CELSR2: variants seen among roughly 807,000 people sequenced by gnomAD.
CELSR2 encodes EGF-like protein 2.
Under a neutral mutation model 251.6 loss-of-function variants are expected in CELSR2, and 81 were observed. That is an observed-to-expected ratio of 0.32 (90% CI 0.27 to 0.39). CELSR2 has a LOEUF of 0.39. CELSR2 is among the 10% of genes least tolerant of loss of function. The pLI is 1.00. For missense variants in CELSR2, 3,365 were observed against 3,947.7 expected (o/e 0.85, Z 3.96); for synonymous variants, 1,721 against 1,670.5 (o/e 1.03, Z -0.74).
At chr1:109,270,689 GC>G (rs1176729375) in intron 24 of CELSR2, 89 bp downstream of exon 24, 12 of 1,496,300 alleles carry the variant, frequency 8.0e-6, no homozygotes, top group African/African-American at 1.4e-5. Context: ...AGGCCCTGAG[GC>G]CCCACATCCC....
chr1:109,268,825 G>A (rs888236877), intron 18 of CELSR2, 55 bp from the exon 19 acceptor site: 6 of 1,584,014 alleles, frequency 3.8e-6, no homozygotes, highest in Non-Finnish European at 5.2e-6. Flanking sequence ...AAGAGCGGCT[G>A]TGCTGGGGTC....
At position 109,263,232 on chromosome 1, in the gene CELSR2, G is replaced by GC; in HGVS notation, c.4804dup (p.Leu1602ProfsTer95). The GC allele has an allele frequency of 6.3e-7, 1 of 1,587,944 alleles. No homozygotes were observed. Among genetic ancestry groups the GC allele is most frequent in the Non-Finnish European group, 8.6e-7 (1 of 1,159,304 alleles). Reference sequence around the variant, plus strand: ...CAGTGGGACGCGTTCAGCTGCGAGTGCCCCCTGGGCTTTGGGGGCAAGAGC... The same window carrying GC: ...CAGTGGGACGCGTTCAGCTGCGAGTGCCCCCCTGGGCTTTGGGGGCAAGAGC... On this transcript the variant is annotated frameshift_variant, in exon 8 of 34. Transcript: ENST00000271332. LOFTEE classifies it high-confidence loss of function.
chr1:109,269,461 A>G lies in CELSR2; in HGVS notation c.6850A>G (p.Ser2284Gly), dbSNP rs1306093916. ...CCCGATCATCAACACACCCGTGGTG[A>G]GCATCAGCGTCCATGATGATGAGGA... ...KRPIINTPVV[S>G]ISVHDDEELL... is the part of the protein sequence containing the mutation. Residue 2284 changes from serine to glycine, a missense_variant, in exon 21 of 34, where the codon AGC becomes GGC. This residue lies in a region of CELSR2 where 2,093 missense variants were observed against 2,382.8 expected (regional missense o/e 0.88). Coordinates refer to ENST00000271332, the MANE Select transcript of CELSR2 (RefSeq NM_001408.3). This position sits in a 1 kb window ranked among gnomAD's most constrained non-coding sequence, Gnocchi z 6.4. 1 of 1,614,058 alleles carries G rather than the reference A, an allele frequency of 6.2e-7. No homozygotes were observed. Among genetic ancestry groups the G allele is most frequent in the Admixed American group, 1.7e-5 (1 of 60,022 alleles).
In CELSR2 at chr1:109,264,061, T is replaced by C. The variant is rs1265760048; in HGVS notation, c.5002-17T>C. The stretch of plus-strand genomic sequence containing the variant: ...AAGGCCGTCTGCTGACCCTGTTTTC[T>C]TTCCTCCTGGTGTCAGCTACGAGAG... On this transcript the variant is annotated splice_polypyrimidine_tract_variant and intron_variant, in intron 9 of 33. Transcript: ENST00000271332. 2 of 1,553,890 alleles carry C rather than the reference T, an allele frequency of 1.3e-6. No individual in the cohort carries two copies. The highest frequency in any genetic ancestry group is 1.7e-6 in the Non-Finnish European group (2 of 1,145,832).
Position 109,273,749 on chromosome 1 carries a change from C to T in CELSR2, c.8744+79C>T, listed in dbSNP as rs191036566. 3.1e-4 allele frequency: 366 copies of T among 1,171,954 alleles called. 1 individual carries two copies. The African/African-American group carries it at 5.3e-3, about 17-fold the overall frequency. The allele number at this position is 1,171,954 out of a possible 1,614,324, so 72.6% of individuals were successfully genotyped here. On this transcript the variant is annotated intron_variant, in intron 33 of 33. Transcript: ENST00000271332. ...GGGCCCAGAGCTGCCTCCGGGCCTC[C>T]CCAGGTGACTCTGGATGGCATTTGG...
chr1:109,269,622 C>T lies in CELSR2; in HGVS notation c.6980+31C>T, dbSNP rs1029480960. The T allele has an allele frequency of 7.4e-6, 12 of 1,613,190 alleles. No homozygotes were observed. The highest frequency in any genetic ancestry group is 9.3e-6 in the Non-Finnish European group (11 of 1,179,356). ...CCTGCACTGCCCTCGCCCCCTCAGGCTTCGGGCTGAAAGTCCAGGCCCCTG... is the reference window on the plus strand; with the variant it reads ...CCTGCACTGCCCTCGCCCCCTCAGGTTTCGGGCTGAAAGTCCAGGCCCCTG... On this transcript the variant is annotated intron_variant, in intron 21 of 33. Transcript: ENST00000271332. The surrounding 1 kb of genome is among the most constrained non-coding windows in gnomAD (Gnocchi z 6.4).
rs142987028 is a variant in CELSR2 at position 109,252,497 on chromosome 1, C to T, written c.2418C>T (p.Asn806=). 6.4e-5 allele frequency: 103 copies of T among 1,613,750 alleles called. No homozygotes were observed. The highest frequency in any genetic ancestry group is 8.3e-5 in the Non-Finnish European group (98 of 1,180,040). The part of the protein sequence containing the change: ...SDTTYLEILV[N]DVNDNAPQFL... ...CCACCTACCTGGAGATCCTGGTGAA[C>T]GACGTGAATGACAATGCCCCTCAGT... Residue 806 remains asparagine, a synonymous_variant, in exon 1 of 34, where the codon AAC becomes AAT. Coordinates refer to ENST00000271332, the MANE Select transcript of CELSR2 (RefSeq NM_001408.3). The surrounding 1 kb of genome is among the most constrained non-coding windows in gnomAD (Gnocchi z 4.8).
chr1:109,269,047 C>G lies in CELSR2; in HGVS notation c.6631+39C>G. On this transcript the variant is annotated intron_variant, in intron 19 of 33. Transcript: ENST00000271332. The surrounding 1 kb of genome is among the most constrained non-coding windows in gnomAD (Gnocchi z 6.4). Reference sequence around the variant, plus strand: ...ATGGATTGAGTTGGGAGCTGGACCCCAGTGTCTGTGCAGACTCCACAGAGA... The same window carrying G: ...ATGGATTGAGTTGGGAGCTGGACCCGAGTGTCTGTGCAGACTCCACAGAGA... The G allele has an allele frequency of 1.9e-6, 3 of 1,600,996 alleles. No homozygotes were observed. The highest frequency in any genetic ancestry group is 2.6e-6 in the Non-Finnish European group (3 of 1,170,476).
rs1409119517 is a variant in CELSR2, at chr1:109,268,570, G to T, written c.6319-11G>T. On this transcript the variant is annotated splice_polypyrimidine_tract_variant and intron_variant, in intron 17 of 33. Coordinates refer to ENST00000271332, the MANE Select transcript of CELSR2 (RefSeq NM_001408.3). The stretch of plus-strand genomic sequence containing the variant: ...TTGTGAGCACACCCACCGTGACCTT[G>T]CCCACCCCAGAATCTGCTGCGGGTG... 1 of 1,599,470 alleles carries T rather than the reference G, an allele frequency of 6.3e-7. No individual in the cohort carries two copies. Among genetic ancestry groups the T allele is most frequent in the Non-Finnish European group, 8.5e-7 (1 of 1,170,902 alleles).
chr1:109,268,610 G>C lies in CELSR2; in HGVS notation c.6348G>C (p.Leu2116=). ...ENLLRVGSAL[L]DTANKRHWEL... ...TGCTGCGGGTGGGCAGCGCCCTCCT[G>C]GACACAGCCAACAAGCGGCACTGGG... The change falls in exon 18 of 34, where the codon CTG becomes CTC. Residue 2116 remains leucine (L), a synonymous_variant. Transcript: ENST00000271332. 1.2e-6 allele frequency: 2 copies of C among 1,613,446 alleles called. No homozygotes were observed. The highest frequency in any genetic ancestry group is 2.7e-5 in the African/African-American group (2 of 75,036).
rs1247441169 is a variant in CELSR2, at chr1:109,261,890, C to T, written c.4380C>T (p.Tyr1460=). 1.9e-6 allele frequency: 3 copies of T among 1,577,940 alleles called. No homozygotes were observed. Among genetic ancestry groups the T allele is most frequent in the Non-Finnish European group, 2.6e-6 (3 of 1,160,034 alleles). ...GGCATACGGTGCAGCTGAAATACTA[C>T]AATAAGGTGGGTGTGGAGGGCACAG... is the stretch of plus-strand genomic sequence containing the variant. The part of the protein sequence containing the change: ...GQWHTVQLKY[Y]NKPLLGQTGL... The change falls in exon 5 of 34, where the codon TAC becomes TAT. Residue 1460 remains tyrosine, a synonymous_variant. Transcript: ENST00000271332. The surrounding 1 kb of genome is among the most constrained non-coding windows in gnomAD (Gnocchi z 4.8).
chr1:109,271,269 G>A lies in CELSR2; in HGVS notation c.7649G>A (p.Arg2550Gln), dbSNP rs628525. 5,113 of 1,614,002 alleles carry A rather than the reference G, an allele frequency of 3.2e-3. 5 individuals carry two copies. Among genetic ancestry groups the A allele is most frequent in the Non-Finnish European group, 4.0e-3 (4,687 of 1,180,016 alleles). The part of the protein sequence containing the change: ...LAARASCAAQ[R>Q]QGFEKKGPVS... ...GCCCGGGCCTCCTGTGCTGCCCAGCGGCAGGGCTTTGAGAAGAAAGGTCCT... is the reference window on the plus strand; with the variant it reads ...GCCCGGGCCTCCTGTGCTGCCCAGCAGCAGGGCTTTGAGAAGAAAGGTCCT... Residue 2550 changes from arginine (R) to glutamine (Q), a missense_variant, in exon 26 of 34, where the codon CGG becomes CAG. Arg to Gln is a conservative substitution (Grantham distance 43). Transcript: ENST00000271332.
At chr1:109,265,412 CTGAGGGCCT>C in intron 13 of CELSR2, 101 bp downstream of exon 13, 1 of 1,320,084 alleles carries the variant, frequency 7.6e-7, no homozygotes, top group East Asian at 2.4e-5. Context: ...TCCTGTAGAG[CTGAGGGCCT>C]TGTGCCTTTG....
Position 109,265,844 on chromosome 1 carries a change from A to G in CELSR2, c.5837A>G (p.Lys1946Arg), listed in dbSNP as rs199620470. The change falls in exon 14 of 34, where the codon AAG becomes AGG. Residue 1946 changes from lysine to arginine, a missense_variant. Lys to Arg is a conservative substitution (Grantham distance 26). Transcript: ENST00000271332. The stretch of plus-strand genomic sequence containing the variant: ...CCTGAGGATGGCCAGTGTCCATGCA[A>G]GCCAGGTGTCATCGGGCGTCAGTGT... ...CDPEDGQCPCKPGVIGRQCDR... is the reference protein window; with the variant it reads ...CDPEDGQCPCRPGVIGRQCDR... 3.1e-6 allele frequency: 5 copies of G among 1,613,988 alleles called. No homozygotes were observed. The highest frequency in any genetic ancestry group is 4.2e-6 in the Non-Finnish European group (5 of 1,180,024).
At chr1:109,273,851 AC>A in intron 33 of CELSR2, 170 bp from the exon 34 acceptor site, 1 of 1,073,606 alleles carries the variant, frequency 9.3e-7, no homozygotes, top group Non-Finnish European at 1.4e-6. Flanking sequence ...GGGGAGGGCC[AC>A]CCCTCCTAGG....
chr1:109,253,712 G>A (rs891874906), intron 1 of CELSR2, among the ~76,000 whole-genome samples: 4 of 152,234 alleles, frequency 2.6e-5, no homozygotes, highest in Non-Finnish European at 5.9e-5. Flanking sequence ...AAAGGCGCGT[G>A]GAAGCCTGGG....
chr1:109,261,395 T>G lies in CELSR2; in HGVS notation c.4182-118T>G. ...GCTGCCGGCAGAGCCAGGTCTGCTC[T>G]TGGAGTTGCCTGTGGTTCTGCCAGC... On this transcript the variant is annotated intron_variant, in intron 3 of 33. Coordinates refer to ENST00000271332, the MANE Select transcript of CELSR2 (RefSeq NM_001408.3). The surrounding 1 kb of genome is among the most constrained non-coding windows in gnomAD (Gnocchi z 4.8). 1 of 1,344,634 alleles carries G rather than the reference T, an allele frequency of 7.4e-7. No individual in the cohort carries two copies. The highest frequency in any genetic ancestry group is 1.1e-6 in the Non-Finnish European group (1 of 943,504). 83.3% of individuals were successfully genotyped at this position (1,344,634 alleles called of 1,614,324 possible). A position where few individuals can be genotyped will look rare whatever the true frequency, so the allele number is the denominator to read the frequency against.
In CELSR2 at chr1:109,261,601, G is replaced by C; in HGVS notation, c.4270G>C (p.Glu1424Gln). Reference protein sequence around the residue: ...HDFVALEVIQEQVQLTFSAGE... With the variant: ...HDFVALEVIQQQVQLTFSAGE... ...CTTTGTGGCCCTCGAGGTGATCCAG[G>C]AGCAGGTCCAGCTCACCTTCTCTGC... Residue 1424 changes from glutamate to glutamine, a missense_variant, in exon 4 of 34, where the codon GAG becomes CAG. By Grantham distance (29) the Glu-to-Gln change is conservative. Coordinates refer to ENST00000271332, the MANE Select transcript of CELSR2 (RefSeq NM_001408.3). The surrounding 1 kb of genome is among the most constrained non-coding windows in gnomAD (Gnocchi z 4.8). The C allele has an allele frequency of 4.3e-6, 7 of 1,614,118 alleles. No individual in the cohort carries two copies. Among genetic ancestry groups the C allele is most frequent in the South Asian group, 3.3e-5 (3 of 91,082 alleles).
intron 23 of CELSR2, 49 bp downstream of exon 23, chr1:109,270,182 C>G: frequency 6.3e-7 from 1 of 1,585,616 alleles, no homozygotes; most frequent in Non-Finnish European, 8.6e-7. Flanking sequence ...CTCAGGCCGC[C>G]TCCCCAGCCC....
Sources: allele counts gnomAD v4.1 joint callset (sites outside exome capture counted in the v4.1 genomes callset), GRCh38; gene constraint gnomAD v4.1.1; regional missense constraint gnomAD v4.1.1; non-coding constraint Gnocchi (gnomAD v3.1); transcripts MANE v1.5; gene names NCBI Gene and HGNC (gene_info 2026-07-23, HGNC 2026-07-21).